The following LTA4H variants were observed in gnomAD, a reference collection of about 807,000 sequenced individuals.
The protein encoded by LTA4H is leukotriene A4 hydrolase.
In LTA4H, 59 loss-of-function variants were observed where a neutral mutation model predicts 89.8. The observed-to-expected ratio is 0.66, with a 90% CI of 0.53 to 0.82. LTA4H has a LOEUF of 0.82. Among genes scored for constraint, LTA4H ranks in the 40% least tolerant of loss-of-function variants. The pLI, the probability that LTA4H is intolerant of heterozygous loss-of-function variation, is 0.00. For synonymous variants in LTA4H, 227 were observed against 253.1 expected (o/e 0.90, Z 0.98); for missense variants, 617 against 727.0 (o/e 0.85, Z 1.74).
chr12:96,003,946 C>T (rs895540652), intron 16 of LTA4H, 26 bp from the exon 17 acceptor site: 37 of 1,419,240 alleles, frequency 2.6e-5, no homozygotes, highest in Admixed American at 9.1e-5. Flanking sequence ...AGAAGTATAC[C>T]GTATCATTTC....
chr12:96,013,183 C>G lies in LTA4H; in HGVS notation c.1379+5G>C. 6.2e-7 allele frequency: 1 copy of G among 1,611,194 alleles called. No individual in the cohort carries two copies. Among genetic ancestry groups the G allele is most frequent in the East Asian group, 2.2e-5 (1 of 44,824 alleles). The stretch of plus-strand genomic sequence containing the variant: ...GAAGGAAAGCATTAGCAGGCAAGTA[C>G]TTACTTGGGCTTTATGGGAGGCAGT... On this transcript the variant is annotated splice_donor_5th_base_variant and intron_variant, in intron 14 of 18. Coordinates refer to ENST00000228740, the MANE Select transcript of LTA4H (RefSeq NM_000895.3).
Position 96,000,949 on chromosome 12 carries a change from TA to T in LTA4H, c.*39del, listed in dbSNP as rs768432126. The T allele has an allele frequency of 9.7e-6, 13 of 1,340,154 alleles. No homozygotes were observed. In the East Asian group the frequency reaches 3.0e-4, roughly 31 times the overall value. The allele number at this position is 1,340,154 out of a possible 1,614,324, so 83.0% of individuals were successfully genotyped here. On this transcript the variant is annotated 3_prime_UTR_variant, in exon 19 of 19. Transcript: ENST00000228740. ...TTTATATTTCTTTACGAATTCCATT[TA>T]AAAAAGAGAAATCTCTAAAATCATC... is the stretch of plus-strand genomic sequence containing the variant.
At position 96,015,663 on chromosome 12, in the gene LTA4H, G is replaced by A. The variant is rs201124482; in HGVS notation, c.979C>T (p.Arg327Cys). 9.2e-5 allele frequency: 149 copies of A among 1,613,240 alleles called. No individual in the cohort carries two copies. The highest frequency in any genetic ancestry group is 1.2e-4 in the Non-Finnish European group (138 of 1,179,380). The change falls in exon 11 of 19, where the codon CGC becomes TGC. Residue 327 changes from arginine (R) to cysteine (C), a missense_variant. Physicochemically the swap from Arg to Cys is radical, Grantham distance 180. Coordinates refer to ENST00000228740, the MANE Select transcript of LTA4H (RefSeq NM_000895.3). The part of the protein sequence containing the change: ...LNEGHTVYLE[R>C]HICGRLFGEK... ...CCAAACAATCGTCCGCAAATGTGGCGTTCCAAGTACACAGTATGTCCCTCA... is the reference window on the plus strand; with the variant it reads ...CCAAACAATCGTCCGCAAATGTGGCATTCCAAGTACACAGTATGTCCCTCA...
At chr12:96,027,320 G>T in intron 3 of LTA4H, 124 bp downstream of exon 3, 1 of 744,480 alleles carries the variant, frequency 1.3e-6, no homozygotes. Flanking sequence ...GTTTCTATAA[G>T]ATCAATTAAT....
chr12:96,021,659 T>C (rs1950453904), intron 5 of LTA4H, among the ~76,000 whole-genome samples: 1 of 141,376 alleles, frequency 7.1e-6, no homozygotes, highest in Admixed American at 6.9e-5. Context: ...GTGAGGTCAA[T>C]TAAGAAAACA....
intron 15 of LTA4H, 40 bp downstream of exon 15, chr12:96,009,054 C>T: frequency 7.0e-7 from 1 of 1,426,506 alleles, no homozygotes; most frequent in Non-Finnish European, 9.9e-7. Flanking sequence ...CATATTTGCA[C>T]AATTCAAAAA....
chr12:96,028,091 C>G (rs937371859), intron 2 of LTA4H: 3 of 152,040 alleles, frequency 2.0e-5, no homozygotes, highest in African/African-American at 7.3e-5. Flanking sequence ...ATCTCTTCTT[C>G]CTCATATTTC....
At chr12:96,017,191 T>C (rs1286263751) in intron 9 of LTA4H, 77 bp from the exon 10 acceptor site, 2 of 989,394 alleles carry the variant, frequency 2.0e-6, no homozygotes, top group South Asian at 2.8e-5. Context: ...AAACACTCCA[T>C]GTTATTCAAT....
chr12:96,014,953 T>A lies in LTA4H; in HGVS notation c.1106A>T (p.Asp369Val). The change falls in exon 12 of 19, where the codon GAT becomes GTT. Residue 369 changes from aspartate (D) to valine (V), a missense_variant. Physicochemically the swap from Asp to Val is radical, Grantham distance 152. Around this residue, in one of 3 missense-constraint regions of LTA4H, gnomAD observed 290 missense variants for 339.1 expected, o/e 0.86. Coordinates refer to ENST00000228740, the MANE Select transcript of LTA4H (RefSeq NM_000895.3). Reference sequence around the variant, plus strand: ...TACATCAGGGTCTATATCTGTCAGATCAACCACAAGTTTGGTGAAAGGATG... The same window carrying A: ...TACATCAGGGTCTATATCTGTCAGAACAACCACAAGTTTGGTGAAAGGATG... Reference protein sequence around the residue: ...ETHPFTKLVVDLTDIDPDVAY... With the variant: ...ETHPFTKLVVVLTDIDPDVAY... 1 of 1,613,524 alleles carries A rather than the reference T, an allele frequency of 6.2e-7. No homozygotes were observed. Among genetic ancestry groups the A allele is most frequent in the Non-Finnish European group, 8.5e-7 (1 of 1,179,832 alleles).
intron 10 of LTA4H, among the ~76,000 whole-genome samples, chr12:96,016,543 GT>G (rs1160059824): frequency 6.6e-6 from 1 of 151,060 alleles, no homozygotes; most frequent in Non-Finnish European, 1.5e-5. Context: ...TGGAGTTGCA[GT>G]TAGCAGAGAT....
chr12:96,002,006 T>C (rs780524453), intron 18 of LTA4H, among the ~76,000 whole-genome samples: 2 of 152,100 alleles, frequency 1.3e-5, no homozygotes, highest in Non-Finnish European at 1.5e-5. Flanking sequence ...TACAGGTGCC[T>C]ACCACCACAC....
At chr12:96,030,187 A>G (rs1950557290) in intron 1 of LTA4H, among the ~76,000 whole-genome samples, 1 of 152,148 alleles carries the variant, frequency 6.6e-6, no homozygotes, top group Non-Finnish European at 1.5e-5. Context: ...GTACGCATAC[A>G]TCATAAATGG....
rs558175272 is a variant in LTA4H at position 96,015,097 on chromosome 12, C to T, written c.1060-98G>A. On this transcript the variant is annotated intron_variant, in intron 11 of 18. Transcript: ENST00000228740. ...GGTATTACTTCACTCAGTGGTGTAA[C>T]TTTAGGGGAATCTAAAACTTGGAGA... The T allele has an allele frequency of 1.5e-3, 1,633 of 1,104,944 alleles. 12 individuals carry two copies. Among genetic ancestry groups the T allele is most frequent in the Middle Eastern group, 6.9e-3 (32 of 4,634 alleles). 68.4% of individuals were successfully genotyped at this position (1,104,944 alleles called of 1,614,324 possible).
At chr12:96,036,088 G>C (rs924800157), upstream of LTA4H, among the ~76,000 whole-genome samples, 1 of 151,516 alleles carries the variant, frequency 6.6e-6, no homozygotes. Flanking sequence ...TTCCCCGACG[G>C]GGAGGCACAG....
intron 18 of LTA4H, among the ~76,000 whole-genome samples, chr12:96,001,812 C>T (rs1016743926): frequency 6.6e-6 from 1 of 151,598 alleles, no homozygotes; most frequent in Non-Finnish European, 1.5e-5. Flanking sequence ...AACAGAAATA[C>T]TTATTTTTCC....
At chr12:96,014,813 C>T (rs771352917) in intron 12 of LTA4H, 42 bp downstream of exon 12, 2 of 1,560,222 alleles carry the variant, frequency 1.3e-6, no homozygotes, top group East Asian at 2.3e-5. Context: ...CTCACATTAC[C>T]CTCAAAAAGA....
chr12:96,019,346 ATT>A, intron 6 of LTA4H, 106 bp from the exon 7 acceptor site: 3 of 903,972 alleles, frequency 3.3e-6, no homozygotes, highest in Middle Eastern at 2.3e-4. Context: ...GTGAGAGTGC[ATT>A]TACCATGTGC....
At chr12:96,043,299 G>C (rs1273051908) in exon 1 of LTA4H, 1 of 1,534,356 alleles carries the variant, frequency 6.5e-7, no homozygotes, top group East Asian at 2.4e-5. Flanking sequence ...CTTTAAGGCT[G>C]CAAGAAGTCG....
chr12:96,041,689 C>T lies in LTA4H; in HGVS notation c.87+1600G>A, dbSNP rs527798628. Reference sequence around the variant, plus strand: ...CAAAGTCTCTCTGTGTCGCCCAGGCCGGAGTGCAGTGGCACAATCTCGGCT... The same window carrying T: ...CAAAGTCTCTCTGTGTCGCCCAGGCTGGAGTGCAGTGGCACAATCTCGGCT... On this transcript the variant is annotated intron_variant, in intron 1 of 17. Coordinates refer to the LTA4H transcript ENST00000413268. Among the ~76,000 whole-genome samples, 8 of 152,164 alleles carry T rather than the reference C, an allele frequency of 5.3e-5. 1 individual carries two copies. The highest frequency in any genetic ancestry group is 1.9e-4 in the East Asian group (1 of 5,176).
Sources: gnomAD v4.1 joint callset for allele counts (sites outside exome capture counted in the v4.1 genomes callset) on GRCh38, gnomAD v4.1.1 for gene constraint, gnomAD v4.1.1 regional missense constraint, MANE v1.5 for transcripts, NCBI Gene and HGNC (gene_info 2026-07-23, HGNC 2026-07-21) for gene names.